Variants in CDH18 observed in about 807,000 individuals in gnomAD.
The protein encoded by CDH18 is cadherin 18, also known as cadherin-18.
In CDH18, 31 loss-of-function variants were observed where a neutral mutation model predicts 67.9. The observed-to-expected ratio is 0.46, with a 90% confidence interval of 0.34 to 0.62. CDH18 has a LOEUF of 0.62. CDH18 is among the 20% of genes least tolerant of loss of function. The pLI is 0.01. For missense variants in CDH18, 890 were observed against 975.5 expected (o/e 0.91, Z 1.17); for synonymous variants, 362 against 347.2 (o/e 1.04, Z -0.48).
intron 2 of CDH18, among the ~76,000 whole-genome samples, chr5:20,126,850 A>C (rs1370307604): frequency 1.3e-5 from 2 of 152,212 alleles, no homozygotes; most frequent in African/African-American, 4.8e-5. Flanking sequence ...ACTTTTGTGC[A>C]CTTTTGATGA....
chr5:20,250,580 G>A (rs971984770), intron 2 of CDH18, among the ~76,000 whole-genome samples: 3 of 136,388 alleles, frequency 2.2e-5, no homozygotes, highest in African/African-American at 5.6e-5. Flanking sequence ...CGTGAGCCAC[G>A]GCCCATGGCT....
At chr5:19,696,121 T>G (rs1580918233) in intron 5 of CDH18, among the ~76,000 whole-genome samples, 1 of 152,298 alleles carries the variant, frequency 6.6e-6, no homozygotes, top group Non-Finnish European at 1.5e-5. Context: ...AGGTATACTT[T>G]ATTGGCAAAG....
intron 4 of CDH18, among the ~76,000 whole-genome samples, chr5:19,739,458 C>A (rs998632946): frequency 6.6e-6 from 1 of 152,122 alleles, no homozygotes; most frequent in Non-Finnish European, 1.5e-5. Flanking sequence ...GAGGGAGGCA[C>A]CTGCGCTGTT....
At chr5:19,692,534 G>A (rs139831028) in intron 5 of CDH18, among the ~76,000 whole-genome samples, 18 of 151,300 alleles carry the variant, frequency 1.2e-4, no homozygotes, top group African/African-American at 3.4e-4. Context: ...ATAATTCAGC[G>A]GAAAAAAACA....
At chr5:20,489,782 G>T (rs1325699406) in intron 1 of CDH18, among the ~76,000 whole-genome samples, 1 of 151,794 alleles carries the variant, frequency 6.6e-6, no homozygotes, top group Non-Finnish European at 1.5e-5. Context: ...TTGAAGTTCT[G>T]TAGCTGACAA....
chr5:19,826,452 GA>G (rs1308780041), intron 3 of CDH18, among the ~76,000 whole-genome samples: 1 of 151,978 alleles, frequency 6.6e-6, no homozygotes, highest in Admixed American at 6.6e-5. Flanking sequence ...TGAAATGAAA[GA>G]AAAAATGTTA....
intron 2 of CDH18, among the ~76,000 whole-genome samples, chr5:20,189,801 A>G (rs1475731412): frequency 1.3e-5 from 2 of 152,088 alleles, no homozygotes; most frequent in East Asian, 1.9e-4. Context: ...TGAAATGTCA[A>G]TTTTAGGTGT....
At chr5:20,220,352 A>G (rs772298857) in intron 2 of CDH18, among the ~76,000 whole-genome samples, 1 of 152,052 alleles carries the variant, frequency 6.6e-6, no homozygotes, top group Non-Finnish European at 1.5e-5. Context: ...TTTTTGACAA[A>G]GTTGTCAAAA....
intron 2 of CDH18, among the ~76,000 whole-genome samples, chr5:19,839,793 C>A (rs991099118): frequency 6.6e-6 from 1 of 152,150 alleles, no homozygotes; most frequent in African/African-American, 2.4e-5. Context: ...TGCATATCTA[C>A]CCCGGGTATG....
At chr5:20,293,880 T>C (rs1399496359) in intron 1 of CDH18, among the ~76,000 whole-genome samples, 1 of 151,968 alleles carries the variant, frequency 6.6e-6, no homozygotes, top group Non-Finnish European at 1.5e-5. Flanking sequence ...AGGATAGAGG[T>C]GTAAATAGGA....
intron 2 of CDH18, among the ~76,000 whole-genome samples, chr5:20,206,195 C>T (rs141106910): frequency 6.6e-6 from 1 of 151,748 alleles, no homozygotes; most frequent in African/African-American, 2.4e-5. Context: ...TCATTAGACA[C>T]TATTGTGCAC....
In CDH18 at chr5:19,994,855, T is replaced by TATATAGAGAGAGAGAG. The variant is rs760777430; in HGVS notation, c.-517-2842_-517-2841insCTCTCTCTCTCTATAT. ...ATATATATATATATATATATATATA[T>TATATAGAGAGAGAGAG]AGAGAGAGAGAGAGAGAGAGAGATG... On this transcript the variant is annotated intron_variant, in intron 2 of 14. Coordinates refer to the CDH18 transcript ENST00000507958. Among the ~76,000 whole-genome samples the TATATAGAGAGAGAGAG allele has an allele frequency of 3.7e-4, 25 of 67,584 alleles. 2 individuals are homozygous for TATATAGAGAGAGAGAG. The highest frequency in any genetic ancestry group is 1.6e-3 in the African/African-American group (22 of 13,598). 44.3% of individuals were successfully genotyped at this position (67,584 alleles called of 152,430 possible). A position where few individuals can be genotyped will look rare whatever the true frequency, so the allele number is the denominator to read the frequency against.
intron 6 of CDH18, among the ~76,000 whole-genome samples, chr5:19,598,082 T>C (rs1358737462): frequency 3.3e-5 from 5 of 152,172 alleles, no homozygotes; most frequent in African/African-American, 1.2e-4. Flanking sequence ...GAAAATTTAC[T>C]TAGGCTACAG....
intron 7 of CDH18, among the ~76,000 whole-genome samples, chr5:19,574,688 C>T (rs779254326): frequency 7.9e-5 from 12 of 151,816 alleles, no homozygotes; most frequent in Admixed American, 3.3e-4. Context: ...ACCCATCTTC[C>T]ACACCTTTTA....
rs189340073 is a variant in CDH18, at chr5:19,537,700, A to T, written c.1390+6169T>A. ...AAAAAATCTCTCTTATCCCTAAAAA[A>T]TCCTCTTTCTGCAGTAATTTTCCAT... On this transcript the variant is annotated intron_variant, in intron 9 of 12. Transcript: ENST00000382275. 1.6e-3 allele frequency among the ~76,000 whole-genome samples: 249 copies of T among 152,090 alleles called. 1 individual carries two copies. The highest frequency in any genetic ancestry group is 0.01 in the Middle Eastern group (3 of 294).
intron 2 of CDH18, among the ~76,000 whole-genome samples, chr5:20,044,620 A>T (rs1740753356): frequency 6.6e-6 from 1 of 152,150 alleles, no homozygotes; most frequent in Non-Finnish European, 1.5e-5. Context: ...AAGAGGTCAT[A>T]TTACCACTTC....
chr5:19,718,443 A>G (rs536534971), intron 5 of CDH18, among the ~76,000 whole-genome samples: 1 of 152,042 alleles, frequency 6.6e-6, no homozygotes, highest in Non-Finnish European at 1.5e-5. Flanking sequence ...GATTTTCAGT[A>G]TGTTTGTATT....
intron 3 of CDH18, among the ~76,000 whole-genome samples, chr5:19,766,767 T>C (rs1383595500): frequency 2.0e-5 from 3 of 152,152 alleles, no homozygotes; most frequent in African/African-American, 7.2e-5. Flanking sequence ...ACTAGATAGT[T>C]TCTATTTATC....
chr5:20,049,958 G>T (rs557716136), intron 2 of CDH18, among the ~76,000 whole-genome samples: 1 of 151,712 alleles, frequency 6.6e-6, no homozygotes, highest in African/African-American at 2.4e-5. Context: ...ATTTAACTGA[G>T]AAAACACAAG....
Sources: allele counts gnomAD v4.1 joint callset (sites outside exome capture counted in the v4.1 genomes callset), GRCh38; gene constraint gnomAD v4.1.1; transcripts MANE v1.5; gene names NCBI Gene and HGNC (gene_info 2026-07-23, HGNC 2026-07-21).